GRID1: variants seen among roughly 807,000 people sequenced by gnomAD.
GRID1 encodes the protein glutamate ionotropic receptor delta type subunit 1, also known as glutamate receptor ionotropic, delta-1.
Under a neutral mutation model 98.0 loss-of-function variants are expected in GRID1, and 28 were observed. The observed-to-expected ratio is 0.29, with a 90% confidence interval of 0.21 to 0.39. GRID1 has a LOEUF of 0.39. Ranked by LOEUF, GRID1 falls within the 10% of genes least tolerant of loss-of-function variation. GRID1 has a pLI of 1.00. For synonymous variants in GRID1, 553 were observed against 538.5 expected (o/e 1.03, Z -0.37); for missense variants, 1,111 against 1,340.5 (o/e 0.83, Z 2.67).
intron 2 of GRID1, among the ~76,000 whole-genome samples, chr10:86,311,100 C>A (rs1847826162): frequency 6.6e-6 from 1 of 152,180 alleles, no homozygotes; most frequent in Admixed American, 6.5e-5. Context: ...CTGAGACTCT[C>A]CTCTGTGCCA....
intron 2 of GRID1, among the ~76,000 whole-genome samples, chr10:86,267,275 G>A (rs906745454): frequency 2.0e-5 from 3 of 152,256 alleles, no homozygotes; most frequent in Non-Finnish European, 2.9e-5. Flanking sequence ...TCAATGGGCA[G>A]AGCCACATTC....
At chr10:85,764,681 T>C (rs1842180479) in intron 8 of GRID1, among the ~76,000 whole-genome samples, 2 of 152,342 alleles carry the variant, frequency 1.3e-5, no homozygotes, top group South Asian at 2.1e-4. Flanking sequence ...ACTTCAAGTT[T>C]ATCTTCCTCT....
At chr10:86,280,485 G>C (rs1310874464) in intron 2 of GRID1, among the ~76,000 whole-genome samples, 1 of 150,782 alleles carries the variant, frequency 6.6e-6, no homozygotes, top group Non-Finnish European at 1.5e-5. Context: ...CTTGCAAAGA[G>C]AGTTTTAATA....
At chr10:85,877,594 G>A (rs1295810650) in intron 5 of GRID1, among the ~76,000 whole-genome samples, 2 of 152,098 alleles carry the variant, frequency 1.3e-5, no homozygotes, top group Non-Finnish European at 2.9e-5. Flanking sequence ...AAAAAGAAAA[G>A]GACATCCACA....
chr10:85,700,805 G>A (rs926801574), intron 12 of GRID1, among the ~76,000 whole-genome samples: 4 of 152,186 alleles, frequency 2.6e-5, no homozygotes, highest in Non-Finnish European at 4.4e-5. Context: ...TTTAGAAGCA[G>A]AGATTTAGAT....
intron 14 of GRID1, 28 bp downstream of exon 14, chr10:85,619,839 C>T (rs773265271): frequency 3.1e-5 from 49 of 1,587,882 alleles, no homozygotes; most frequent in South Asian, 4.4e-5. Flanking sequence ...CCTGAGGCAG[C>T]GGTAGTTACC....
chr10:86,100,045 A>G (rs906968569), intron 4 of GRID1, among the ~76,000 whole-genome samples: 4 of 152,178 alleles, frequency 2.6e-5, no homozygotes, highest in Non-Finnish European at 5.9e-5. Flanking sequence ...TGGGGGCAGC[A>G]TAGCATGGGG....
chr10:86,245,422 T>C (rs1419171886), intron 2 of GRID1, among the ~76,000 whole-genome samples: 2 of 142,930 alleles, frequency 1.4e-5, no homozygotes, highest in African/African-American at 6.1e-5. Context: ...TTTACTCCAT[T>C]CCTCTTCTAC....
chr10:85,873,933 T>C (rs545032947), intron 5 of GRID1, among the ~76,000 whole-genome samples: 1 of 152,236 alleles, frequency 6.6e-6, no homozygotes, highest in African/African-American at 2.4e-5. Context: ...TAGTGATTGA[T>C]TCATGGCTGA....
chr10:86,026,455 G>A (rs537438997), intron 4 of GRID1, among the ~76,000 whole-genome samples: 16 of 152,280 alleles, frequency 1.1e-4, no homozygotes, highest in Non-Finnish European at 1.2e-4. Context: ...TCAGAGGAAC[G>A]GAGGATGAGG....
chr10:85,768,792 T>C (rs1842224101), intron 8 of GRID1, among the ~76,000 whole-genome samples: 2 of 152,234 alleles, frequency 1.3e-5, no homozygotes, highest in African/African-American at 2.4e-5. Flanking sequence ...TTGACAGATA[T>C]AGAAATTGAC....
At chr10:86,174,278 T>C (rs1340634011) in intron 3 of GRID1, among the ~76,000 whole-genome samples, 1 of 152,088 alleles carries the variant, frequency 6.6e-6, no homozygotes. Flanking sequence ...AGCATGGTAC[T>C]GGTACCAAAA....
intron 2 of GRID1, among the ~76,000 whole-genome samples, chr10:86,338,589 G>A (rs575630003): frequency 2.0e-5 from 3 of 152,170 alleles, no homozygotes; most frequent in East Asian, 1.9e-4. Flanking sequence ...GGGGAGTCTC[G>A]CTCTATCCCC....
At position 85,600,458 on chromosome 10, in the gene GRID1, C is replaced by G. The variant is rs80108137; in HGVS notation, c.*1815G>C. On this transcript the variant is annotated 3_prime_UTR_variant, in exon 16 of 16. Coordinates refer to ENST00000327946, the MANE Select transcript of GRID1 (RefSeq NM_017551.3). ...CTTTAGGAAAGAAATCAATCCTGGG[C>G]TAGTTATCACCCTCATAAATACATC... is the stretch of plus-strand genomic sequence containing the variant. The G allele has an allele frequency of 1.3e-5, 2 of 152,204 alleles. No homozygotes were observed. The highest frequency in any genetic ancestry group is 2.4e-5 in the African/African-American group (1 of 41,452). The allele number at this position is 152,204 out of a possible 1,614,324, so 9.4% of individuals were successfully genotyped here.
At chr10:85,836,412 C>T (rs78491942) in intron 8 of GRID1, among the ~76,000 whole-genome samples, 8,306 of 152,018 alleles carry the variant, frequency 0.055, 418 homozygotes, top group African/African-American at 0.13. Flanking sequence ...AAACTGTTAA[C>T]CCCACAAGGG....
chr10:86,173,282 T>C (rs1318194021), intron 3 of GRID1, among the ~76,000 whole-genome samples: 1 of 152,194 alleles, frequency 6.6e-6, no homozygotes, highest in East Asian at 1.9e-4. Context: ...CAAGTGATCC[T>C]CCTGCCTCGG....
At position 85,985,989 on chromosome 10, in the gene GRID1, C is replaced by A. The variant is rs575082151; in HGVS notation, c.727-69750G>T. 6.2e-4 allele frequency among the ~76,000 whole-genome samples: 94 copies of A among 152,316 alleles called. 1 individual carries two copies. Among genetic ancestry groups the A allele is most frequent in the African/African-American group, 2.2e-3 (90 of 41,574 alleles). On this transcript the variant is annotated intron_variant, in intron 4 of 15. Coordinates refer to ENST00000327946, the MANE Select transcript of GRID1 (RefSeq NM_017551.3). Reference sequence around the variant, plus strand: ...AAGAAGAAAAATATTAATACCCACCCCACAGGGATGTGGTGGAGACAAAGC... The same window carrying A: ...AAGAAGAAAAATATTAATACCCACCACACAGGGATGTGGTGGAGACAAAGC...
chr10:85,724,128 T>C (rs1841734256), intron 11 of GRID1, among the ~76,000 whole-genome samples: 1 of 152,174 alleles, frequency 6.6e-6, no homozygotes, highest in East Asian at 1.9e-4. Flanking sequence ...TTATCTAAAG[T>C]GGAGAATCAG....
chr10:86,307,351 A>G (rs1415538627), intron 2 of GRID1, among the ~76,000 whole-genome samples: 1 of 152,218 alleles, frequency 6.6e-6, no homozygotes, highest in African/African-American at 2.4e-5. Flanking sequence ...ACACAATGGA[A>G]TTCAGCCTTA....
Sources: gnomAD v4.1 joint callset for allele counts (sites outside exome capture counted in the v4.1 genomes callset) on GRCh38, gnomAD v4.1.1 for gene constraint, MANE v1.5 for transcripts, NCBI Gene and HGNC (gene_info 2026-07-23, HGNC 2026-07-21) for gene names.